NRG2: variants seen among roughly 807,000 people sequenced by gnomAD.
NRG2 encodes the protein pro-neuregulin-2, membrane-bound isoform.
In NRG2, 27 loss-of-function variants were observed where a neutral mutation model predicts 73.9. That is an observed-to-expected ratio of 0.37 (90% confidence interval 0.27 to 0.50). The LOEUF (loss-of-function observed/expected upper bound fraction) is 0.50. NRG2 is among the 20% of genes least tolerant of loss of function. NRG2 has a pLI of 0.96. For synonymous variants in NRG2, 532 were observed against 541.0 expected (o/e 0.98, Z 0.23); for missense variants, 1,126 against 1,210.1 (o/e 0.93, Z 1.03).
In NRG2 at chr5:139,848,563, G is replaced by A. The variant is rs1761186266; in HGVS notation, c.1907C>T (p.Pro636Leu). 1.3e-6 allele frequency: 2 copies of A among 1,548,292 alleles called. No individual in the cohort carries two copies. Among genetic ancestry groups the A allele is most frequent in the Admixed American group, 1.8e-5 (1 of 54,380 alleles). ...AHAVSLPPAA[P>L]ISYRLAEQQP... ...CTGCTCGGCCAGGCGGTAACTGATGGGCGCCGCCGGCGGCAGCGACACGGC... is the reference window on the plus strand; with the variant it reads ...CTGCTCGGCCAGGCGGTAACTGATGAGCGCCGCCGGCGGCAGCGACACGGC... Residue 636 changes from proline (P) to leucine (L), a missense_variant, in exon 10 of 10, where the codon CCC becomes CTC. Physicochemically the swap from Pro to Leu is moderately conservative, Grantham distance 98 (BLOSUM62 -3). Transcript: ENST00000361474.
chr5:139,855,766 A>T lies in NRG2; in HGVS notation c.1202T>A (p.Leu401Gln). 3 of 1,613,896 alleles carry T rather than the reference A, an allele frequency of 1.9e-6. No homozygotes were observed. The highest frequency in any genetic ancestry group is 2.5e-6 in the Non-Finnish European group (3 of 1,179,860). ...MPDPKQKAEELYQKRVLTITG... is the reference protein window; with the variant it reads ...MPDPKQKAEEQYQKRVLTITG... ...GATGGTCAGGACCCTCTTCTGGTAC[A>T]GCTCCTCGGCTTCTGCAGAGGTAGG... Residue 401 changes from leucine to glutamine, a missense_variant, in exon 6 of 10, where the codon CTG (leucine) becomes CAG (glutamine). This residue lies in a region of NRG2 where 539 missense variants were observed against 703.2 expected (regional missense o/e 0.77). Coordinates refer to ENST00000361474, the MANE Select transcript of NRG2 (RefSeq NM_004883.3).
chr5:139,867,158 A>G (rs2127057384), intron 4 of NRG2, among the ~76,000 whole-genome samples: 1 of 152,342 alleles, frequency 6.6e-6, no homozygotes, highest in East Asian at 1.9e-4. Flanking sequence ...AGTGGCAGCC[A>G]TTGGTTGTGA....
chr5:139,985,060 G>T (rs919549199), intron 1 of NRG2, among the ~76,000 whole-genome samples: 1 of 152,148 alleles, frequency 6.6e-6, no homozygotes, highest in Non-Finnish European at 1.5e-5. Flanking sequence ...ATGTAGATGA[G>T]TCAAAAAGTA....
rs1580809634 is a variant in NRG2 at position 139,954,641 on chromosome 5, A to C, written c.701-67130T>G. ...CATGGCTCTCCAGGCCAAGCCCTCC[A>C]CCCCAGCGACTCTCCGCAGAGGCCC... On this transcript the variant is annotated intron_variant, in intron 1 of 9. Transcript: ENST00000361474. This position sits in a 1 kb window ranked among gnomAD's most constrained non-coding sequence, Gnocchi z 5.0. Among the ~76,000 whole-genome samples the C allele has an allele frequency of 6.6e-6, 1 of 151,872 alleles. No homozygotes were observed. Among genetic ancestry groups the C allele is most frequent in the Non-Finnish European group, 1.5e-5 (1 of 67,960 alleles).
At position 139,851,856 on chromosome 5, in the gene NRG2, C is replaced by T. The variant is rs1238641819; in HGVS notation, c.1545-25G>A. On this transcript the variant is annotated intron_variant, in intron 8 of 9. Coordinates refer to ENST00000361474, the MANE Select transcript of NRG2 (RefSeq NM_004883.3). This position sits in a 1 kb window ranked among gnomAD's most constrained non-coding sequence, Gnocchi z 4.2. ...TCTGGGAAGGCCAGATGGGGTGAGA[C>T]GAGGGGTCAGGAAGGGGCAGGGCGG... 17 of 1,610,062 alleles carry T rather than the reference C, an allele frequency of 1.1e-5. No homozygotes were observed. The highest frequency in any genetic ancestry group is 2.7e-5 in the African/African-American group (2 of 74,950).
chr5:139,983,547 T>C (rs2126568232), intron 1 of NRG2, among the ~76,000 whole-genome samples: 1 of 152,346 alleles, frequency 6.6e-6, no homozygotes, highest in East Asian at 1.9e-4. Flanking sequence ...TGGTTCTCCA[T>C]TGTTTCCTTC....
intron 1 of NRG2, among the ~76,000 whole-genome samples, chr5:139,962,680 G>T (rs1038861147): frequency 1.3e-5 from 2 of 152,164 alleles, no homozygotes; most frequent in Non-Finnish European, 2.9e-5. Flanking sequence ...AAGGCAGGGA[G>T]GAACTGAAAG....
chr5:139,865,014 C>G lies in NRG2; in HGVS notation c.1189+535G>C. ...TCTCCTCTAAGGAGCGCAGGACACC[C>G]TCTACATCTCCCCCTAGTCTTGCTA... On this transcript the variant is annotated intron_variant, in intron 5 of 9. Coordinates refer to ENST00000361474, the MANE Select transcript of NRG2 (RefSeq NM_004883.3). The surrounding 1 kb of genome is among the most constrained non-coding windows in gnomAD (Gnocchi z 5.2). The G allele has an allele frequency of 9.9e-7, 1 of 1,010,608 alleles. No homozygotes were observed. The highest frequency in any genetic ancestry group is 2.0e-4 in the Middle Eastern group (1 of 4,916). 62.6% of individuals were successfully genotyped at this position (1,010,608 alleles called of 1,614,324 possible).
rs1018107817 is a variant in NRG2, at chr5:139,954,294, G to A, written c.701-66783C>T. Among the ~76,000 whole-genome samples, 6 of 152,188 alleles carry A rather than the reference G, an allele frequency of 3.9e-5. No individual in the cohort carries two copies. The highest frequency in any genetic ancestry group is 8.8e-5 in the Non-Finnish European group (6 of 68,044). Reference sequence around the variant, plus strand: ...AGAGGAGCAGCCTGGGGCCCCAGGAGACCTGCAGCGGCTGTCTAGCCCCAG... The same window carrying A: ...AGAGGAGCAGCCTGGGGCCCCAGGAAACCTGCAGCGGCTGTCTAGCCCCAG... On this transcript the variant is annotated intron_variant, in intron 1 of 9. Coordinates refer to ENST00000361474, the MANE Select transcript of NRG2 (RefSeq NM_004883.3). This position sits in a 1 kb window ranked among gnomAD's most constrained non-coding sequence, Gnocchi z 5.0.
intron 1 of NRG2, among the ~76,000 whole-genome samples, chr5:139,933,258 G>A (rs2126383265): frequency 6.6e-6 from 1 of 152,174 alleles, no homozygotes; most frequent in Non-Finnish European, 1.5e-5. Flanking sequence ...CTGGCTGACA[G>A]AGTGAGACTC....
At chr5:139,908,011 T>C (rs1313274689) in intron 1 of NRG2, among the ~76,000 whole-genome samples, 1 of 152,262 alleles carries the variant, frequency 6.6e-6, no homozygotes, top group Non-Finnish European at 1.5e-5. Context: ...TCAACTCTTA[T>C]TCCCATTTTA....
chr5:139,862,504 A>G (rs528014137), intron 5 of NRG2, among the ~76,000 whole-genome samples: 1 of 152,368 alleles, frequency 6.6e-6, no homozygotes, highest in East Asian at 1.9e-4. Flanking sequence ...AGAAATTTGC[A>G]TGTTGACCAG....
intron 1 of NRG2, among the ~76,000 whole-genome samples, chr5:139,903,772 C>A (rs1254067645): frequency 6.6e-6 from 1 of 152,232 alleles, no homozygotes; most frequent in Non-Finnish European, 1.5e-5. Flanking sequence ...GGTTCGCGAG[C>A]GGGGCAGGGC....
At chr5:139,902,296 C>G (rs1318880298) in intron 1 of NRG2, among the ~76,000 whole-genome samples, 1 of 152,218 alleles carries the variant, frequency 6.6e-6, no homozygotes, top group African/African-American at 2.4e-5. Flanking sequence ...CTCACACCTG[C>G]AGTTCAGCCC....
chr5:139,871,134 T>G (rs1391803246), intron 4 of NRG2: 1 of 153,608 alleles, frequency 6.5e-6, no homozygotes, highest in Non-Finnish European at 1.4e-5. Context: ...GATGGCATCT[T>G]TGTACAATGG....
chr5:139,966,483 C>T (rs540581485), intron 1 of NRG2, among the ~76,000 whole-genome samples: 1 of 152,154 alleles, frequency 6.6e-6, no homozygotes, highest in Non-Finnish European at 1.5e-5. Flanking sequence ...ATCAGAGGAC[C>T]CACCCTACTC....
chr5:139,887,843 G>A lies in NRG2; in HGVS notation c.701-332C>T, dbSNP rs185937894. On this transcript the variant is annotated intron_variant, in intron 1 of 9. Transcript: ENST00000361474. This position sits in a 1 kb window ranked among gnomAD's most constrained non-coding sequence, Gnocchi z 4.5. The stretch of plus-strand genomic sequence containing the variant: ...CTTACAGATGGGGAAACAGAGGCTC[G>A]GAATGGTGAAGTCACTTCCCTAAGG... 2.0e-4 allele frequency among the ~76,000 whole-genome samples: 30 copies of A among 152,176 alleles called. No homozygotes were observed. The highest frequency in any genetic ancestry group is 8.3e-4 in the South Asian group (4 of 4,820).
intron 1 of NRG2, among the ~76,000 whole-genome samples, chr5:140,020,508 C>T (rs2115048): frequency 0.62 from 93,687 of 152,026 alleles, 29,022 homozygotes; most frequent in East Asian, 0.82. Flanking sequence ...AGGAATGATG[C>T]CAAAATGTCA....
Position 139,867,274 on chromosome 5 carries a change from CCAGGG to C in NRG2, c.1113-1654_1113-1650del, listed in dbSNP as rs1388426468. ...TCTCTGGGCCTTGATGGCATCTCCC[CCAGGG>C]GAGGCAGGAGGTTTGTCCTGTAGTG... is the stretch of plus-strand genomic sequence containing the variant. On this transcript the variant is annotated intron_variant, in intron 4 of 9. Coordinates refer to ENST00000361474, the MANE Select transcript of NRG2 (RefSeq NM_004883.3). Among the ~76,000 whole-genome samples the C allele has an allele frequency of 2.6e-5, 4 of 152,242 alleles. No homozygotes were observed. In the East Asian group the frequency reaches 7.7e-4, roughly 29 times the overall value.
Sources: gnomAD v4.1 joint callset for allele counts (sites outside exome capture counted in the v4.1 genomes callset) on GRCh38, gnomAD v4.1.1 for gene constraint, gnomAD v4.1.1 regional missense constraint, Gnocchi (gnomAD v3.1) non-coding constraint, MANE v1.5 for transcripts, NCBI Gene and HGNC (gene_info 2026-07-23, HGNC 2026-07-21) for gene names.